The following EVI5 variants were observed in gnomAD, a reference collection of about 807,000 sequenced individuals.
EVI5 encodes ecotropic viral integration site 5 protein homolog.
A neutral mutation model predicts 112.0 loss-of-function variants in EVI5; 73 were observed. That is an observed-to-expected ratio of 0.65 (90% CI 0.54 to 0.79). The LOEUF (loss-of-function observed/expected upper bound fraction) is 0.79. Among genes scored for constraint, EVI5 ranks in the 30% least tolerant of loss-of-function variants. EVI5 has a pLI of 0.00. For synonymous variants in EVI5, 305 were observed against 319.9 expected, an observed-to-expected ratio of 0.95 and a Z score of 0.50; for missense variants, 900 against 968.8, an observed-to-expected ratio of 0.93 and a Z score of 0.94.
intron 2 of EVI5, among the ~76,000 whole-genome samples, chr1:92,725,337 C>T (rs1175394232): frequency 1.3e-5 from 2 of 152,134 alleles, no homozygotes; most frequent in Non-Finnish European, 2.9e-5. Context: ...ACAAAAGGGT[C>T]TCGCCTCAGT....
chr1:92,712,685 T>C (rs1023302649), intron 2 of EVI5, among the ~76,000 whole-genome samples: 1 of 152,058 alleles, frequency 6.6e-6, no homozygotes, highest in African/African-American at 2.4e-5. Flanking sequence ...TGATTAAAAA[T>C]ACAAGAATTT....
chr1:92,693,685 T>C (rs1319182657), intron 9 of EVI5, 117 bp downstream of exon 9: 5 of 635,930 alleles, frequency 7.9e-6, no homozygotes, highest in African/African-American at 3.7e-5. Context: ...TTATGCTATA[T>C]TGAAACCAAT....
At chr1:92,756,427 A>G (rs1244543082) in intron 1 of EVI5, 6 of 539,288 alleles carry the variant, frequency 1.1e-5, no homozygotes, top group African/African-American at 1.9e-5. Context: ...TAGCTGCTAC[A>G]TGTATGGCTT....
chr1:92,677,923 T>G (rs1415138942), intron 9 of EVI5, among the ~76,000 whole-genome samples: 1 of 152,190 alleles, frequency 6.6e-6, no homozygotes, highest in Non-Finnish European at 1.5e-5. Context: ...CCTGTTAAGA[T>G]GTACTGAGTT....
At chr1:92,524,216 T>C (rs1288924758) in intron 19 of EVI5, among the ~76,000 whole-genome samples, 1 of 151,996 alleles carries the variant, frequency 6.6e-6, no homozygotes, top group African/African-American at 2.4e-5. Context: ...GCCCAGGAGT[T>C]TGTATTTTAA....
At chr1:92,717,228 C>T (rs576749371) in intron 2 of EVI5, among the ~76,000 whole-genome samples, 1 of 152,078 alleles carries the variant, frequency 6.6e-6, no homozygotes, top group East Asian at 1.9e-4. Flanking sequence ...AGAAGAGCAA[C>T]CCCAAGACAC....
At chr1:92,584,304 C>T (rs553585164) in intron 18 of EVI5, among the ~76,000 whole-genome samples, 42 of 151,940 alleles carry the variant, frequency 2.8e-4, no homozygotes, top group Middle Eastern at 3.4e-3. Flanking sequence ...CTATGTTCAA[C>T]GGTCACAGAG....
At chr1:92,790,770 C>T (rs570099283) in intron 1 of EVI5, among the ~76,000 whole-genome samples, 77 of 149,740 alleles carry the variant, frequency 5.1e-4, no homozygotes, top group African/African-American at 1.9e-3. Flanking sequence ...AGTGAGCTGA[C>T]ATCACGCCAA....
chr1:92,603,672 T>C (rs939232763), intron 18 of EVI5, among the ~76,000 whole-genome samples: 7 of 143,574 alleles, frequency 4.9e-5, no homozygotes, highest in Non-Finnish European at 1.1e-4. Context: ...TACAGGTGTA[T>C]AAAATTTTTT....
At chr1:92,685,672 A>G (rs187894536) in intron 9 of EVI5, among the ~76,000 whole-genome samples, 4 of 152,322 alleles carry the variant, frequency 2.6e-5, no homozygotes, top group African/African-American at 9.6e-5. Flanking sequence ...AAAGAAGGAA[A>G]GAGGGAAGAA....
intron 14 of EVI5, 136 bp downstream of exon 14, chr1:92,636,066 T>C (rs1658762955): frequency 1.5e-6 from 1 of 676,042 alleles, no homozygotes; most frequent in Admixed American, 3.0e-5. Flanking sequence ...TTTTTTTCCT[T>C]TTCCTCTTAG....
rs550821245 is a variant in EVI5, at chr1:92,719,934, A to G, written c.150-15190T>C. ...CAAACTCCCATTCACAATTGCTACAAATAGAATAAAACACCTAGGAATCCA... is the reference window on the plus strand; with the variant it reads ...CAAACTCCCATTCACAATTGCTACAGATAGAATAAAACACCTAGGAATCCA... On this transcript the variant is annotated intron_variant, in intron 2 of 19. Transcript: ENST00000684568. Among the ~76,000 whole-genome samples the G allele has an allele frequency of 4.6e-5, 7 of 152,156 alleles. No homozygotes were observed. In the South Asian group the frequency reaches 1.5e-3, roughly 32 times the overall value.
intron 9 of EVI5, among the ~76,000 whole-genome samples, chr1:92,687,954 C>T (rs1213213319): frequency 6.6e-6 from 1 of 152,126 alleles, no homozygotes; most frequent in Admixed American, 6.5e-5. Flanking sequence ...ATTAGTTCAA[C>T]CATTGTGGAA....
At position 92,736,473 on chromosome 1, in the gene EVI5, G is replaced by T. The variant is rs762583443; in HGVS notation, c.74C>A (p.Ala25Asp). Residue 25 changes from alanine to aspartate, a missense_variant, in exon 2 of 20, where the codon GCC becomes GAC. Physicochemically the swap from Ala to Asp is moderately radical, Grantham distance 126 (BLOSUM62 -2). Coordinates refer to ENST00000684568, the MANE Select transcript of EVI5 (RefSeq NM_001350197.2). ...CTGTGATGGGGAAGATGGTGAAAGG[G>T]CTGGTGTTGATAGTGTGGTAGATGA... ...TSSSTTLSTP[A>D]LSPSSPSQLS... The T allele has an allele frequency of 3.1e-6, 5 of 1,613,968 alleles. No individual in the cohort carries two copies. Among genetic ancestry groups the T allele is most frequent in the Non-Finnish European group, 4.2e-6 (5 of 1,179,914 alleles).
intron 19 of EVI5, among the ~76,000 whole-genome samples, chr1:92,561,620 T>TC (rs1557790510): frequency 2.4e-3 from 306 of 128,210 alleles, no homozygotes; most frequent in Non-Finnish European, 3.1e-3. Flanking sequence ...TATCTATCTA[T>TC]CTATCTATCT....
intron 2 of EVI5, among the ~76,000 whole-genome samples, chr1:92,710,635 C>G (rs575053974): frequency 7.9e-5 from 12 of 151,860 alleles, no homozygotes; most frequent in Non-Finnish European, 1.0e-4. Context: ...TTTCTATCAA[C>G]AAGGGAACAC....
intron 2 of EVI5, among the ~76,000 whole-genome samples, chr1:92,718,836 GAC>G (rs1200733013): frequency 6.6e-6 from 1 of 151,926 alleles, no homozygotes; most frequent in African/African-American, 2.4e-5. Flanking sequence ...GAATCAAATA[GAC>G]ATAATAAAAA....
rs574156765 is a variant in EVI5, at chr1:92,709,415, C to T, written c.150-4671G>A. The stretch of plus-strand genomic sequence containing the variant: ...AATGGCACTAGGGATAGTAAAAATT[C>T]GGTGAGAAATGACTGCATTTTATTA... On this transcript the variant is annotated intron_variant, in intron 2 of 19. Coordinates refer to ENST00000684568, the MANE Select transcript of EVI5 (RefSeq NM_001350197.2). Among the ~76,000 whole-genome samples the T allele has an allele frequency of 1.5e-4, 23 of 152,180 alleles. 1 individual carries two copies. The highest frequency in any genetic ancestry group is 3.4e-3 in the Middle Eastern group (1 of 294).
At chr1:92,698,066 C>A (rs1670589317) in intron 5 of EVI5, 81 bp from the exon 6 acceptor site, 1 of 1,304,666 alleles carries the variant, frequency 7.7e-7, no homozygotes, top group African/African-American at 1.5e-5. Context: ...ACTAAGTACA[C>A]AGCCAACCAC....
Sources: gnomAD v4.1 joint callset for allele counts (sites outside exome capture counted in the v4.1 genomes callset) on GRCh38, gnomAD v4.1.1 for gene constraint, MANE v1.5 for transcripts, NCBI Gene and HGNC (gene_info 2026-07-23, HGNC 2026-07-21) for gene names.